RASA1: variants seen among roughly 807,000 people sequenced by gnomAD.
RASA1 encodes RAS p21 protein activator 1.
Under a neutral mutation model 132.2 loss-of-function variants are expected in RASA1, and 25 were observed. The ratio of observed to expected loss-of-function variants is 0.19; its 90% CI spans 0.14 to 0.26. The LOEUF is 0.26. Ranked by LOEUF, RASA1 falls within the 10% of genes least tolerant of loss-of-function variation. RASA1 has a pLI of 1.00. For missense variants in RASA1, 964 were observed against 1,299.2 expected (o/e 0.74, Z 3.97); for synonymous variants, 477 against 449.9 (o/e 1.06, Z -0.76).
intron 8 of RASA1, 116 bp from the exon 9 acceptor site, chr5:87,353,041 G>A: frequency 1.4e-6 from 1 of 718,622 alleles, no homozygotes; most frequent in Non-Finnish European, 2.5e-6. Flanking sequence ...TTTGTGTTAT[G>A]TGCTTTGAAA....
At chr5:87,326,617 G>A (rs1472890989) in intron 1 of RASA1, among the ~76,000 whole-genome samples, 2 of 152,100 alleles carry the variant, frequency 1.3e-5, no homozygotes, top group African/African-American at 2.4e-5. Flanking sequence ...TTATTAATGT[G>A]TTACATTAAG....
In RASA1 at chr5:87,391,128, T is replaced by G. The variant is rs1174165879; in HGVS notation, c.*245T>G. 1 of 597,598 alleles carries G rather than the reference T, an allele frequency of 1.7e-6. No individual in the cohort carries two copies. The highest frequency in any genetic ancestry group is 1.9e-5 in the African/African-American group (1 of 53,798). 37.0% of individuals were successfully genotyped at this position (597,598 alleles called of 1,614,324 possible). ...ATCAATCTTTAACAACCTCTGAGCC[T>G]TGGTGTACAGACCACCTTTCACAAA... On this transcript the variant is annotated 3_prime_UTR_variant, in exon 25 of 25. Transcript: ENST00000274376.
At chr5:87,337,906 T>C in intron 4 of RASA1, 68 bp from the exon 5 acceptor site, 1 of 1,457,606 alleles carries the variant, frequency 6.9e-7, no homozygotes, top group Non-Finnish European at 9.3e-7. Flanking sequence ...TATTTTGTGG[T>C]ATATGACTAT....
chr5:87,338,523 A>T (rs1317538734), intron 5 of RASA1, among the ~76,000 whole-genome samples: 43 of 99,178 alleles, frequency 4.3e-4, no homozygotes, highest in African/African-American at 1.4e-3. Context: ...ATATATATAT[A>T]TATATATATA....
At position 87,268,839 on chromosome 5, in the gene RASA1, C is replaced by G. The variant is rs1362198969; in HGVS notation, c.388C>G (p.Pro130Ala). 6.2e-7 allele frequency: 1 copy of G among 1,614,022 alleles called. No homozygotes were observed. Among genetic ancestry groups the G allele is most frequent in the African/African-American group, 1.3e-5 (1 of 74,940 alleles). The change falls in exon 1 of 25, where the codon CCA (proline) becomes GCA (alanine). Residue 130 changes from proline (P) to alanine (A), a missense_variant. Transcript: ENST00000274376. Reference sequence around the variant, plus strand: ...TTCGTTGCTTGCTGAGACTCTCGGGCCAGGCGGCGGTTTTCCCCCTCTGCC... The same window carrying G: ...TTCGTTGCTTGCTGAGACTCTCGGGGCAGGCGGCGGTTTTCCCCCTCTGCC... ...PTSLLAETLGPGGGFPPLPPP... is the reference protein window; with the variant it reads ...PTSLLAETLGAGGGFPPLPPP...
At chr5:87,374,764 T>A (rs1044470010) in intron 14 of RASA1, 76 bp from the exon 15 acceptor site, 33 of 1,579,800 alleles carry the variant, frequency 2.1e-5, no homozygotes, top group Non-Finnish European at 2.8e-5. Context: ...GGGGTTTATT[T>A]GATACTAGAA....
chr5:87,287,505 A>G (rs925402241), intron 1 of RASA1, among the ~76,000 whole-genome samples: 1 of 148,692 alleles, frequency 6.7e-6, no homozygotes, highest in African/African-American at 2.5e-5. Context: ...TACACCATAT[A>G]TATACCCACC....
In RASA1 at chr5:87,286,840, CAT is replaced by C. The variant is rs549336677; in HGVS notation, c.539+17860_539+17861del. ...CACACACACTCACATATATATATAC[CAT>C]ATATATATACACCATATACATATAC... On this transcript the variant is annotated intron_variant, in intron 1 of 24. Transcript: ENST00000274376. Among the ~76,000 whole-genome samples, 1,249 of 149,430 alleles carry C rather than the reference CAT, an allele frequency of 8.4e-3. 16 individuals are homozygous for C. Among genetic ancestry groups the C allele is most frequent in the African/African-American group, 0.029 (1,161 of 40,634 alleles).
chr5:87,339,622 T>C (rs1196135161), intron 5 of RASA1, among the ~76,000 whole-genome samples: 1 of 152,034 alleles, frequency 6.6e-6, no homozygotes, highest in African/African-American at 2.4e-5. Flanking sequence ...ACTCAATGTA[T>C]ACAGAAAAAT....
intron 1 of RASA1, among the ~76,000 whole-genome samples, chr5:87,295,283 T>A (rs1755069680): frequency 1.3e-5 from 2 of 152,016 alleles, no homozygotes; most frequent in South Asian, 4.1e-4. Context: ...TTTTTTGGTC[T>A]ACTTTGACAG....
chr5:87,285,966 G>T (rs555383189), intron 1 of RASA1, among the ~76,000 whole-genome samples: 43 of 151,266 alleles, frequency 2.8e-4, no homozygotes, highest in African/African-American at 1.0e-3. Context: ...TATCTAGATT[G>T]TTCTATTCTA....
chr5:87,322,392 C>T (rs1005340292), intron 1 of RASA1, among the ~76,000 whole-genome samples: 15 of 152,216 alleles, frequency 9.9e-5, no homozygotes, highest in Admixed American at 2.6e-4. Context: ...TTATGAGAAT[C>T]TAATGGTTGA....
intron 1 of RASA1, among the ~76,000 whole-genome samples, chr5:87,293,149 C>A (rs1373792762): frequency 6.6e-6 from 1 of 151,868 alleles, no homozygotes; most frequent in African/African-American, 2.4e-5. Context: ...TTTTGAAAAA[C>A]AGTGGTAAGA....
At chr5:87,365,711 T>TA (rs1436391275) in intron 11 of RASA1, among the ~76,000 whole-genome samples, 2 of 151,990 alleles carry the variant, frequency 1.3e-5, no homozygotes, top group African/African-American at 2.4e-5. Flanking sequence ...AAAATAATTT[T>TA]AAAAAAATGT....
Position 87,280,337 on chromosome 5 carries a change from G to A in RASA1, c.539+11347G>A, listed in dbSNP as rs111697837. Among the ~76,000 whole-genome samples, 71 of 151,264 alleles carry A rather than the reference G, an allele frequency of 4.7e-4. 1 individual carries two copies. The highest frequency in any genetic ancestry group is 1.7e-3 in the African/African-American group (69 of 41,220). On this transcript the variant is annotated intron_variant, in intron 1 of 24. Transcript: ENST00000274376. ...TCTTTCTTTCTTTTTTTTTTTGACA[G>A]TGTCTTGCTCTGTTGCCTAGGCTGG... is the stretch of plus-strand genomic sequence containing the variant.
intron 1 of RASA1, among the ~76,000 whole-genome samples, chr5:87,319,633 A>G (rs1756627882): frequency 6.6e-6 from 1 of 152,204 alleles, no homozygotes; most frequent in African/African-American, 2.4e-5. Flanking sequence ...GGATGCAGTT[A>G]GCAGCAGGGC....
rs531077964 is a variant in RASA1 at position 87,346,239 on chromosome 5, A to G, written c.1050-433A>G. 2.0e-5 allele frequency among the ~76,000 whole-genome samples: 3 copies of G among 152,146 alleles called. No individual in the cohort carries two copies. The South Asian group carries it at 6.2e-4, about 31-fold the overall frequency. ...CTGACTTTCAGCAAAGTAAGAGTCA[A>G]TATCTTGATTTTATTTGAGGAGAGA... On this transcript the variant is annotated intron_variant, in intron 6 of 24. Transcript: ENST00000274376.
chr5:87,328,527 C>A (rs552732240), intron 1 of RASA1, among the ~76,000 whole-genome samples: 1 of 152,046 alleles, frequency 6.6e-6, no homozygotes, highest in Non-Finnish European at 1.5e-5. Context: ...AGACAAATAA[C>A]CACTCCCAAA....
At position 87,378,390 on chromosome 5, in the gene RASA1, G is replaced by A. The variant is rs1423456816; in HGVS notation, c.2345-6G>A. On this transcript the variant is annotated splice_region_variant and splice_polypyrimidine_tract_variant and intron_variant, in intron 17 of 24. Transcript: ENST00000274376. The stretch of plus-strand genomic sequence containing the variant: ...AAATAATCTTCTAATGTAAATATTT[G>A]TGTAGATGAAGCCACTACCCTATTT... 36 of 1,612,536 alleles carry A rather than the reference G, an allele frequency of 2.2e-5. No individual in the cohort carries two copies. The highest frequency in any genetic ancestry group is 3.1e-5 in the Non-Finnish European group (36 of 1,178,838).
Sources: gnomAD v4.1 joint callset for allele counts (sites outside exome capture counted in the v4.1 genomes callset) on GRCh38, gnomAD v4.1.1 for gene constraint, MANE v1.5 for transcripts, NCBI Gene and HGNC (gene_info 2026-07-23, HGNC 2026-07-21) for gene names.